The following NCAM1 variants were observed in gnomAD, a reference collection of about 807,000 sequenced individuals.
NCAM1 encodes the protein antigen recognized by monoclonal antibody 5.1H11.
A neutral mutation model predicts 109.8 loss-of-function variants in NCAM1; 14 were observed. The ratio of observed to expected loss-of-function variants is 0.13; its 90% CI spans 0.08 to 0.20. The LOEUF is 0.20. NCAM1 is among the 10% of genes least tolerant of loss of function. The pLI, the probability that NCAM1 is intolerant of heterozygous loss-of-function variation, is 1.00. For synonymous variants in NCAM1, 418 were observed against 442.9 expected (o/e 0.94, Z 0.70); for missense variants, 774 against 1,109.9 (o/e 0.70, Z 4.30).
At chr11:113,104,660 T>C (rs1940068344) in intron 1 of NCAM1, among the ~76,000 whole-genome samples, 1 of 152,262 alleles carries the variant, frequency 6.6e-6, no homozygotes, top group Non-Finnish European at 1.5e-5. Flanking sequence ...TCTGGTAATT[T>C]GAACGATGCA....
intron 16 of NCAM1, 25 bp from the exon 17 acceptor site, chr11:113,260,121 C>G: frequency 6.3e-7 from 1 of 1,594,068 alleles, no homozygotes; most frequent in South Asian, 1.2e-5. Context: ...TCTCTTGTAT[C>G]CTTCTTGCCG....
intron 1 of NCAM1, among the ~76,000 whole-genome samples, chr11:113,043,452 C>T (rs1365479946): frequency 6.6e-6 from 1 of 152,080 alleles, no homozygotes; most frequent in Non-Finnish European, 1.5e-5. Flanking sequence ...TTCTCCTGCC[C>T]CAGCCTCCTG....
At chr11:113,252,391 G>T (rs1945707386) in intron 15 of NCAM1, among the ~76,000 whole-genome samples, 2 of 134,770 alleles carry the variant, frequency 1.5e-5, no homozygotes, top group South Asian at 2.4e-4. Context: ...GGGTGACAGA[G>T]CAAGACCCTG....
chr11:113,255,091 A>T (rs140578678), intron 15 of NCAM1, among the ~76,000 whole-genome samples: 109 of 152,278 alleles, frequency 7.2e-4, no homozygotes, highest in African/African-American at 2.6e-3. Context: ...TTCTGTTGAG[A>T]AATGCTAAAG....
intron 1 of NCAM1, among the ~76,000 whole-genome samples, chr11:112,973,417 C>T (rs144554764): frequency 2.0e-5 from 3 of 152,180 alleles, no homozygotes; most frequent in Admixed American, 1.3e-4. Context: ...CCAATGAAAG[C>T]TCTTTGGTTT....
intron 1 of NCAM1, among the ~76,000 whole-genome samples, chr11:112,983,730 G>A (rs886364769): frequency 1.3e-5 from 2 of 151,876 alleles, no homozygotes; most frequent in Admixed American, 6.6e-5. Context: ...GAATGTGTTG[G>A]CTCTGCATTT....
intron 1 of NCAM1, among the ~76,000 whole-genome samples, chr11:113,191,796 T>C (rs1196419110): frequency 6.6e-6 from 1 of 152,118 alleles, no homozygotes; most frequent in East Asian, 1.9e-4. Flanking sequence ...TATATATGTA[T>C]ATGAATGTGG....
intron 15 of NCAM1, among the ~76,000 whole-genome samples, chr11:113,247,057 A>G (rs1247028253): frequency 6.6e-6 from 1 of 152,206 alleles, no homozygotes; most frequent in Non-Finnish European, 1.5e-5. Flanking sequence ...ATCAAGAAAC[A>G]CATGATTGAC....
At chr11:113,145,806 G>T (rs1941996540) in intron 1 of NCAM1, among the ~76,000 whole-genome samples, 1 of 151,214 alleles carries the variant, frequency 6.6e-6, no homozygotes, top group East Asian at 2.0e-4. Flanking sequence ...AGTGGTAAGA[G>T]TCTGTGATAA....
chr11:113,201,018 C>T (rs782553607), intron 1 of NCAM1, among the ~76,000 whole-genome samples: 1 of 152,122 alleles, frequency 6.6e-6, no homozygotes, highest in Admixed American at 6.5e-5. Context: ...TTCCCCCTGC[C>T]TCTGCCCAGG....
intron 1 of NCAM1, among the ~76,000 whole-genome samples, chr11:113,178,348 A>G (rs1375611356): frequency 1.3e-5 from 2 of 152,158 alleles, no homozygotes; most frequent in Non-Finnish European, 2.9e-5. Context: ...TAATGTGTTG[A>G]CTTAAAAAAG....
intron 1 of NCAM1, among the ~76,000 whole-genome samples, chr11:113,023,806 T>G (rs1397816870): frequency 6.6e-6 from 1 of 152,106 alleles, no homozygotes; most frequent in Non-Finnish European, 1.5e-5. Context: ...AAAATAGCCT[T>G]GCCGAAAACC....
At chr11:113,038,571 A>G (rs1481821038) in intron 1 of NCAM1, among the ~76,000 whole-genome samples, 3 of 152,186 alleles carry the variant, frequency 2.0e-5, no homozygotes, top group African/African-American at 7.2e-5. Context: ...CATCCAGCAT[A>G]GTAGATCTGC....
chr11:113,100,192 C>T (rs1205776961), intron 1 of NCAM1, among the ~76,000 whole-genome samples: 1 of 152,152 alleles, frequency 6.6e-6, no homozygotes, highest in Non-Finnish European at 1.5e-5. Flanking sequence ...ACTTGGTCCC[C>T]TTCACAGAAC....
intron 1 of NCAM1, among the ~76,000 whole-genome samples, chr11:113,006,636 G>A (rs966899411): frequency 6.6e-6 from 1 of 152,164 alleles, no homozygotes; most frequent in Non-Finnish European, 1.5e-5. Context: ...CTTTTGATCA[G>A]TGTCAATTAT....
intron 14 of NCAM1, chr11:113,240,747 A>G: frequency 1.9e-6 from 3 of 1,600,130 alleles, no homozygotes; most frequent in Non-Finnish European, 2.6e-6. Flanking sequence ...TGTGTGCCTC[A>G]ATGATCTTTT....
chr11:113,023,631 G>A (rs1428251799), intron 1 of NCAM1, among the ~76,000 whole-genome samples: 1 of 152,280 alleles, frequency 6.6e-6, no homozygotes, highest in Non-Finnish European at 1.5e-5. Context: ...AGGAATTTTA[G>A]GGTCCCGTTT....
intron 1 of NCAM1, among the ~76,000 whole-genome samples, chr11:113,122,713 G>A (rs1941019145): frequency 6.6e-6 from 1 of 152,202 alleles, no homozygotes. Context: ...GGACCCAGGA[G>A]GCAGTGGTTA....
Position 113,232,255 on chromosome 11 carries a change from C to T in NCAM1, c.1326C>T (p.Pro442=), listed in dbSNP as rs1555117395. ...VNITCEVFAY[P]SATISWFRDG... ...TCACCTGCGAGGTATTTGCCTATCC[C>T]AGTGCCACGATCTCATGGTTTCGGG... Residue 442 remains proline, a synonymous_variant, in exon 11 of 20, where the codon CCC becomes CCT. Transcript: ENST00000316851. 7.4e-6 allele frequency: 12 copies of T among 1,613,932 alleles called. No individual in the cohort carries two copies. Among genetic ancestry groups the T allele is most frequent in the Non-Finnish European group, 9.3e-6 (11 of 1,179,860 alleles).
Sources: gnomAD v4.1 joint callset for allele counts (sites outside exome capture counted in the v4.1 genomes callset) on GRCh38, gnomAD v4.1.1 for gene constraint, MANE v1.5 for transcripts, NCBI Gene and HGNC (gene_info 2026-07-23, HGNC 2026-07-21) for gene names.